Variants in PRKCQ observed in about 807,000 individuals in gnomAD.
The protein encoded by PRKCQ is protein kinase C theta.
A neutral mutation model predicts 91.2 loss-of-function variants in PRKCQ; 41 were observed. The ratio of observed to expected loss-of-function variants is 0.45; its 90% CI spans 0.35 to 0.58. The LOEUF is 0.58. Among genes scored for constraint, PRKCQ ranks in the 20% least tolerant of loss-of-function variants. The pLI, the probability that PRKCQ is intolerant of heterozygous loss-of-function variation, is 0.00. For missense variants in PRKCQ, 673 were observed against 896.5 expected (o/e 0.75, Z 3.18); for synonymous variants, 307 against 316.9 (o/e 0.97, Z 0.33).
intron 12 of PRKCQ, among the ~76,000 whole-genome samples, chr10:6,476,543 T>C (rs3858254): frequency 0.37 from 56,581 of 152,098 alleles, 10,797 homozygotes; most frequent in South Asian, 0.48. Flanking sequence ...TTCTCACTTA[T>C]GATTTCATAA....
At chr10:6,462,461 G>A (rs1835404662) in intron 13 of PRKCQ, 96 bp from the exon 14 acceptor site, 1 of 1,017,976 alleles carries the variant, frequency 9.8e-7, no homozygotes, top group Non-Finnish European at 1.5e-6. Context: ...TGCTGTGTAT[G>A]GCTAAATGGC....
rs1287576591 is a variant in PRKCQ at position 6,561,381 on chromosome 10, A to G, written c.-10+18830T>C. The stretch of plus-strand genomic sequence containing the variant: ...TGAGACCCTGTCTCAAAAAAAAAAA[A>G]AAAAAAAAAAAAAAAGAAACAAGAA... On this transcript the variant is annotated intron_variant, in intron 1 of 17. Coordinates refer to ENST00000263125, the MANE Select transcript of PRKCQ (RefSeq NM_006257.5). Among the ~76,000 whole-genome samples, 200 of 151,324 alleles carry G rather than the reference A, an allele frequency of 1.3e-3. 3 individuals carry two copies. Among genetic ancestry groups the G allele is most frequent in the Non-Finnish European group, 2.0e-3 (133 of 67,766 alleles).
At chr10:6,526,996 T>C (rs1424172931) in intron 1 of PRKCQ, among the ~76,000 whole-genome samples, 1 of 151,986 alleles carries the variant, frequency 6.6e-6, no homozygotes, top group Non-Finnish European at 1.5e-5. Flanking sequence ...ACCAAGCCAC[T>C]GAAGATGAGG....
At chr10:6,481,333 C>T (rs560010038) in intron 11 of PRKCQ, among the ~76,000 whole-genome samples, 1 of 152,326 alleles carries the variant, frequency 6.6e-6, no homozygotes, top group African/African-American at 2.4e-5. Context: ...TTGCTTCTTT[C>T]AGTAAAACAC....
At chr10:6,506,110 C>T (rs1838193384) in intron 4 of PRKCQ, among the ~76,000 whole-genome samples, 2 of 152,306 alleles carry the variant, frequency 1.3e-5, no homozygotes, top group South Asian at 4.1e-4. Flanking sequence ...TCTATTTCAG[C>T]CAACTCAAAA....
chr10:6,406,143 C>CTAAA, the PRKCQ span, among the ~76,000 whole-genome samples: 1 of 152,024 alleles, frequency 6.6e-6, no homozygotes. Context: ...GGAGTGAAAT[C>CTAAA]TAAAGCATTG....
chr10:6,418,639 G>A, the PRKCQ span, among the ~76,000 whole-genome samples: 1 of 152,116 alleles, frequency 6.6e-6, no homozygotes, highest in African/African-American at 2.4e-5. Flanking sequence ...AGAGTCAGAG[G>A]GAAGCCTGGC....
chr10:6,544,022 A>G (rs911460930), intron 1 of PRKCQ, among the ~76,000 whole-genome samples: 1 of 152,186 alleles, frequency 6.6e-6, no homozygotes, highest in South Asian at 2.1e-4. Context: ...GCAGGCTACC[A>G]TGGCCATTTT....
chr10:6,485,125 G>A, intron 10 of PRKCQ, 27 bp downstream of exon 10: 1 of 1,565,852 alleles, frequency 6.4e-7, no homozygotes, highest in Non-Finnish European at 8.8e-7. Flanking sequence ...GACTGACAGT[G>A]ATTAGACTGC....
intron 1 of PRKCQ, among the ~76,000 whole-genome samples, chr10:6,556,433 GGAAAAAAAAAAAA>G (rs766487219): frequency 2.1e-5 from 2 of 93,484 alleles, no homozygotes; most frequent in African/African-American, 1.3e-4. Flanking sequence ...CCCTGTCTTG[GGAAAAAAAAAAAA>G]AAAAAAAAAG....
the PRKCQ span, among the ~76,000 whole-genome samples, chr10:6,400,441 G>A: frequency 1.5e-3 from 221 of 152,276 alleles, 8 homozygotes; most frequent in South Asian, 0.041. Context: ...TTGTTATGCA[G>A]GTGAGATGAC....
intron 12 of PRKCQ, among the ~76,000 whole-genome samples, chr10:6,476,472 T>A (rs1808536333): frequency 6.6e-6 from 1 of 152,324 alleles, no homozygotes; most frequent in Non-Finnish European, 1.5e-5. Context: ...AACTGTTAGT[T>A]TTTCATTATT....
Position 6,553,528 on chromosome 10 carries a change from AAAG to A in PRKCQ, c.-10+26680_-10+26682del, listed in dbSNP as rs1255759816. Among the ~76,000 whole-genome samples, 76 of 150,364 alleles carry A rather than the reference AAAG, an allele frequency of 5.1e-4. 1 individual carries two copies. The East Asian group carries it at 8.9e-3, about 18-fold the overall frequency. Reference sequence around the variant, plus strand: ...AAAAAAAAAAAAAAACAAACAAACAAAAGAAGAAGAAGAAGAAAGAAATATGCT... The same window carrying A: ...AAAAAAAAAAAAAAACAAACAAACAAAAGAAGAAGAAGAAAGAAATATGCT... On this transcript the variant is annotated intron_variant, in intron 1 of 17. Transcript: ENST00000263125.
At chr10:6,579,593 C>G (rs943727269) in intron 1 of PRKCQ, among the ~76,000 whole-genome samples, 2 of 152,064 alleles carry the variant, frequency 1.3e-5, no homozygotes, top group Admixed American at 1.3e-4. Flanking sequence ...TAACCTGGCC[C>G]TCAAAGCTGG....
chr10:6,463,622 CA>C (rs1371829385), intron 13 of PRKCQ, among the ~76,000 whole-genome samples: 2 of 152,150 alleles, frequency 1.3e-5, no homozygotes, highest in Non-Finnish European at 2.9e-5. Flanking sequence ...CTAAACCACT[CA>C]AAGTGTTCAT....
At chr10:6,513,409 A>G (rs973639118) in intron 2 of PRKCQ, among the ~76,000 whole-genome samples, 9 of 149,348 alleles carry the variant, frequency 6.0e-5, no homozygotes, top group Admixed American at 4.7e-4. Flanking sequence ...CTCGATCCAC[A>G]TGGCTCATTA....
At chr10:6,494,156 T>C (rs1327804966) in intron 7 of PRKCQ, among the ~76,000 whole-genome samples, 1 of 152,160 alleles carries the variant, frequency 6.6e-6, no homozygotes, top group African/African-American at 2.4e-5. Flanking sequence ...GGAAGCGCCT[T>C]TGTGTGCCCA....
intron 16 of PRKCQ, among the ~76,000 whole-genome samples, chr10:6,436,574 T>C (rs1020029744): frequency 6.6e-6 from 1 of 152,186 alleles, no homozygotes; most frequent in Non-Finnish European, 1.5e-5. Context: ...CCCACCCTCC[T>C]GTCCCCAGCA....
intron 4 of PRKCQ, among the ~76,000 whole-genome samples, chr10:6,505,395 C>G (rs1002396172): frequency 6.6e-6 from 1 of 150,898 alleles, no homozygotes; most frequent in Non-Finnish European, 1.5e-5. Context: ...ATGAAGGACA[C>G]TTTTTCTCCT....
Sources: gnomAD v4.1 joint callset for allele counts (sites outside exome capture counted in the v4.1 genomes callset) on GRCh38, gnomAD v4.1.1 for gene constraint, MANE v1.5 for transcripts, NCBI Gene and HGNC (gene_info 2026-07-23, HGNC 2026-07-21) for gene names.